The following PPARGC1A variants were observed in gnomAD, a reference collection of about 807,000 sequenced individuals.
The protein encoded by PPARGC1A is peroxisome proliferator-activated receptor gamma coactivator 1-alpha.
A neutral mutation model predicts 88.7 loss-of-function variants in PPARGC1A; 25 were observed. That is an observed-to-expected ratio of 0.28 (90% CI 0.21 to 0.39). PPARGC1A has a LOEUF of 0.39. PPARGC1A is among the 10% of genes least tolerant of loss of function. The probability of loss-of-function intolerance (pLI) is 1.00; values close to 1 mark genes in which losing one functional copy is unlikely to be tolerated. For missense variants in PPARGC1A, 880 were observed against 968.7 expected, an observed-to-expected ratio of 0.91 and a Z score of 1.22; for synonymous variants, 363 against 355.6, an observed-to-expected ratio of 1.02 and a Z score of -0.24.
chr4:24,296,276 G>A, the PPARGC1A span, among the ~76,000 whole-genome samples: 1 of 151,308 alleles, frequency 6.6e-6, no homozygotes, highest in African/African-American at 2.4e-5. Flanking sequence ...ACAAATAATT[G>A]TTTAGTATAA....
At chr4:24,119,337 T>G in the PPARGC1A span, among the ~76,000 whole-genome samples, 1 of 152,134 alleles carries the variant, frequency 6.6e-6, no homozygotes, top group Non-Finnish European at 1.5e-5. Context: ...ATTCGGAATG[T>G]CTCTCAAAAA....
At chr4:24,064,563 A>T in the PPARGC1A span, among the ~76,000 whole-genome samples, 1 of 152,122 alleles carries the variant, frequency 6.6e-6, no homozygotes, top group South Asian at 2.1e-4. Flanking sequence ...AGAAAACGAG[A>T]CACAAAGCCT....
At chr4:24,224,218 T>G in the PPARGC1A span, among the ~76,000 whole-genome samples, 1 of 152,182 alleles carries the variant, frequency 6.6e-6, no homozygotes, top group Admixed American at 6.5e-5. Context: ...CCATGCAGAC[T>G]GCACGCCTAC....
At chr4:23,838,376 A>G (rs1442908498) in intron 2 of PPARGC1A, among the ~76,000 whole-genome samples, 1 of 152,146 alleles carries the variant, frequency 6.6e-6, no homozygotes, top group African/African-American at 2.4e-5. Context: ...CCTAGCTCCT[A>G]CCTCACTCAA....
the PPARGC1A span, among the ~76,000 whole-genome samples, chr4:23,940,392 A>T: frequency 3.9e-3 from 599 of 152,322 alleles, 5 homozygotes; most frequent in African/African-American, 0.014. Context: ...AGGAGGTGAC[A>T]TTTCATTTAA....
intron 1 of PPARGC1A, among the ~76,000 whole-genome samples, chr4:23,896,528 G>A (rs1416829862): frequency 1.3e-5 from 2 of 152,098 alleles, no homozygotes; most frequent in Admixed American, 6.6e-5. Flanking sequence ...TTAGTACCTG[G>A]TATACTTAGA....
At chr4:24,284,925 G>A in the PPARGC1A span, among the ~76,000 whole-genome samples, 1 of 152,146 alleles carries the variant, frequency 6.6e-6, no homozygotes, top group Non-Finnish European at 1.5e-5. Context: ...CTACTTGGGA[G>A]GCTGAGGCAG....
the PPARGC1A span, among the ~76,000 whole-genome samples, chr4:24,119,932 T>C: frequency 3.3e-5 from 5 of 152,254 alleles, no homozygotes; most frequent in African/African-American, 1.2e-4. Flanking sequence ...CATAAATTAT[T>C]TTCTTAAGTT....
chr4:24,387,934 G>T, the PPARGC1A span, among the ~76,000 whole-genome samples: 227 of 71,478 alleles, frequency 3.2e-3, 6 homozygotes, highest in Middle Eastern at 0.016. Flanking sequence ...AAGAAAGAAA[G>T]AGAAAGAAAG....
the PPARGC1A span, among the ~76,000 whole-genome samples, chr4:23,964,909 G>T: frequency 6.6e-6 from 1 of 152,116 alleles, no homozygotes; most frequent in African/African-American, 2.4e-5. Context: ...AAAAAACCTT[G>T]TCTCCCTCCA....
At chr4:24,146,954 A>G in the PPARGC1A span, among the ~76,000 whole-genome samples, 1 of 152,218 alleles carries the variant, frequency 6.6e-6, no homozygotes, top group Admixed American at 6.5e-5. Context: ...GGTCAGGAAT[A>G]TAACTGTCAC....
At chr4:24,187,191 G>A in the PPARGC1A span, among the ~76,000 whole-genome samples, 3 of 152,178 alleles carry the variant, frequency 2.0e-5, no homozygotes, top group Non-Finnish European at 4.4e-5. Flanking sequence ...GGTAGTGCTG[G>A]TGATGCAATG....
chr4:24,401,143 C>T, the PPARGC1A span, among the ~76,000 whole-genome samples: 1 of 151,408 alleles, frequency 6.6e-6, no homozygotes. Flanking sequence ...TTCAGCCTCC[C>T]GAGTAGCTGG....
At chr4:23,903,828 A>G (rs775498072), upstream of PPARGC1A, among the ~76,000 whole-genome samples, 6 of 151,550 alleles carry the variant, frequency 4.0e-5, no homozygotes, top group Non-Finnish European at 7.4e-5. Flanking sequence ...GAAGTATACT[A>G]CACACTTCTC....
At chr4:24,265,159 A>C in the PPARGC1A span, among the ~76,000 whole-genome samples, 4 of 152,204 alleles carry the variant, frequency 2.6e-5, no homozygotes, top group South Asian at 8.3e-4. Context: ...AAATAAATCA[A>C]AAGATAAGAA....
chr4:24,387,940 G>C, the PPARGC1A span, among the ~76,000 whole-genome samples: 1 of 137,224 alleles, frequency 7.3e-6, no homozygotes, highest in Admixed American at 7.3e-5. Context: ...GAAAGAGAAA[G>C]AAAGAAAGAA....
chr4:24,170,070 A>C, the PPARGC1A span, among the ~76,000 whole-genome samples: 90 of 152,316 alleles, frequency 5.9e-4, 2 homozygotes, highest in Non-Finnish European at 7.3e-5. Context: ...ATCATTGAGC[A>C]AACTGGCAAA....
At chr4:24,312,740 A>C in the PPARGC1A span, among the ~76,000 whole-genome samples, 1 of 152,130 alleles carries the variant, frequency 6.6e-6, no homozygotes, top group East Asian at 1.9e-4. Flanking sequence ...TGGTTAGCTA[A>C]AGCAAATTTA....
At chr4:24,261,314 A>G in the PPARGC1A span, among the ~76,000 whole-genome samples, 25 of 152,200 alleles carry the variant, frequency 1.6e-4, 2 homozygotes, top group African/African-American at 2.6e-4. Context: ...CCCTCAGCCT[A>G]CAGAGCAAAT....
Sources: gnomAD v4.1 joint callset for allele counts (sites outside exome capture counted in the v4.1 genomes callset) on GRCh38, gnomAD v4.1.1 for gene constraint, MANE v1.5 for transcripts, NCBI Gene and HGNC (gene_info 2026-07-23, HGNC 2026-07-21) for gene names.